LRRC4C: variants seen among roughly 807,000 people sequenced by gnomAD.
LRRC4C encodes leucine rich repeat containing 4C.
In LRRC4C, 5 loss-of-function variants were observed where a neutral mutation model predicts 33.6. That is an observed-to-expected ratio of 0.15 (90% CI 0.08 to 0.31). The LOEUF is 0.31. Ranked by LOEUF, LRRC4C falls within the 10% of genes least tolerant of loss-of-function variation. The probability of loss-of-function intolerance (pLI) is 1.00; values close to 1 mark genes in which losing one functional copy is unlikely to be tolerated. For synonymous variants in LRRC4C, 329 were observed against 302.0 expected (o/e 1.09, Z -0.93); for missense variants, 560 against 796.7 (o/e 0.70, Z 3.58).
intron 1 of LRRC4C, among the ~76,000 whole-genome samples, chr11:41,060,078 A>G (rs964408107): frequency 2.0e-5 from 3 of 152,176 alleles, no homozygotes; most frequent in African/African-American, 2.4e-5. Flanking sequence ...CATTTCAACA[A>G]GATCCTCAGT....
At chr11:41,255,136 T>G (rs781182794) in intron 1 of LRRC4C, among the ~76,000 whole-genome samples, 2 of 151,964 alleles carry the variant, frequency 1.3e-5, no homozygotes, top group Non-Finnish European at 2.9e-5. Context: ...GGCTTGGAAT[T>G]TTCCCCTGCC....
At chr11:40,212,284 A>G (rs1374181398) in intron 5 of LRRC4C, among the ~76,000 whole-genome samples, 2 of 152,106 alleles carry the variant, frequency 1.3e-5, no homozygotes, top group Non-Finnish European at 2.9e-5. Context: ...AATTTTCATG[A>G]TTTTACTAAG....
intron 1 of LRRC4C, among the ~76,000 whole-genome samples, chr11:41,353,708 T>A (rs889526670): frequency 3.3e-5 from 5 of 152,218 alleles, no homozygotes; most frequent in African/African-American, 1.2e-4. Flanking sequence ...GATGCACAGT[T>A]GGTTCAACAT....
intron 2 of LRRC4C, among the ~76,000 whole-genome samples, chr11:40,820,127 A>G (rs917229531): frequency 6.6e-6 from 1 of 152,088 alleles, no homozygotes; most frequent in African/African-American, 2.4e-5. Context: ...GAAACAGAAA[A>G]GTAACAGCCA....
At chr11:40,202,498 C>T (rs972353770) in intron 5 of LRRC4C, among the ~76,000 whole-genome samples, 5 of 152,048 alleles carry the variant, frequency 3.3e-5, no homozygotes, top group African/African-American at 1.2e-4. Context: ...GTCACATAAA[C>T]TTTCTGGGCC....
At chr11:41,232,193 A>T (rs1947833049) in intron 1 of LRRC4C, among the ~76,000 whole-genome samples, 1 of 152,022 alleles carries the variant, frequency 6.6e-6, no homozygotes, top group South Asian at 2.1e-4. Flanking sequence ...AGAAATAGTT[A>T]TTCTTGGTTC....
At chr11:41,267,261 A>G (rs1330294138) in intron 1 of LRRC4C, among the ~76,000 whole-genome samples, 1 of 152,076 alleles carries the variant, frequency 6.6e-6, no homozygotes, top group African/African-American at 2.4e-5. Flanking sequence ...CTGCTTCTAG[A>G]AGCTACCATA....
rs148607193 is a variant in LRRC4C, at chr11:40,363,300, G to A, written c.-269-43579C>T. ...AGGCCATTATCCTTAGCAAACTAAC[G>A]CAAGAACAAAAATCCAAATACTGCA... is the stretch of plus-strand genomic sequence containing the variant. On this transcript the variant is annotated intron_variant, in intron 3 of 6. Coordinates refer to ENST00000528697, the MANE Select transcript of LRRC4C (RefSeq NM_001258419.2). 5.4e-4 allele frequency among the ~76,000 whole-genome samples: 82 copies of A among 152,198 alleles called. 2 individuals carry two copies. The highest frequency in any genetic ancestry group is 1.9e-3 in the African/African-American group (78 of 41,526).
intron 3 of LRRC4C, among the ~76,000 whole-genome samples, chr11:40,415,126 T>C (rs1034726894): frequency 6.6e-6 from 1 of 152,126 alleles, no homozygotes; most frequent in Non-Finnish European, 1.5e-5. Flanking sequence ...ATCACTGACC[T>C]CGTGCCGTTT....
chr11:41,410,808 TCAC>T (rs1954446739), intron 1 of LRRC4C, among the ~76,000 whole-genome samples: 1 of 152,032 alleles, frequency 6.6e-6, no homozygotes. Flanking sequence ...TAGAATATCA[TCAC>T]ATTATCAACC....
At chr11:41,364,307 C>T (rs2958841) in intron 1 of LRRC4C, among the ~76,000 whole-genome samples, 63,850 of 151,918 alleles carry the variant, frequency 0.42, 14,200 homozygotes, top group Non-Finnish European at 0.49. Flanking sequence ...GAGATGGAGT[C>T]TTGATCTGCC....
At chr11:41,160,807 A>C (rs932253972) in intron 1 of LRRC4C, among the ~76,000 whole-genome samples, 4 of 152,188 alleles carry the variant, frequency 2.6e-5, no homozygotes, top group Admixed American at 6.6e-5. Context: ...TTGCTATGAA[A>C]ACCCAGAGAA....
At chr11:41,267,019 A>C (rs1384302200) in intron 1 of LRRC4C, among the ~76,000 whole-genome samples, 1 of 152,048 alleles carries the variant, frequency 6.6e-6, no homozygotes, top group African/African-American at 2.4e-5. Flanking sequence ...AGGCTAATCC[A>C]CTCATCATGG....
chr11:40,236,206 C>T (rs750613690), intron 5 of LRRC4C, among the ~76,000 whole-genome samples: 11 of 152,056 alleles, frequency 7.2e-5, no homozygotes, highest in Non-Finnish European at 1.0e-4. Flanking sequence ...ACAAAGCAAA[C>T]AGCATGAACA....
chr11:41,332,411 C>A (rs760540402), intron 1 of LRRC4C, among the ~76,000 whole-genome samples: 2 of 152,090 alleles, frequency 1.3e-5, no homozygotes, highest in Non-Finnish European at 2.9e-5. Context: ...CTGCAATGTG[C>A]AAGGTTTCCT....
intron 1 of LRRC4C, among the ~76,000 whole-genome samples, chr11:41,082,873 G>GAGA (rs1939684441): frequency 6.6e-6 from 1 of 152,018 alleles, no homozygotes; most frequent in African/African-American, 2.4e-5. Context: ...TCAAAAAATA[G>GAGA]CTAGGTTAGA....
At chr11:40,784,848 C>A (rs1950345892) in intron 2 of LRRC4C, among the ~76,000 whole-genome samples, 1 of 150,298 alleles carries the variant, frequency 6.7e-6, no homozygotes, top group African/African-American at 2.5e-5. Flanking sequence ...TTTTAGGATC[C>A]AATAAATTAG....
At chr11:40,460,472 A>G (rs1415665785) in intron 3 of LRRC4C, among the ~76,000 whole-genome samples, 1 of 152,164 alleles carries the variant, frequency 6.6e-6, no homozygotes, top group African/African-American at 2.4e-5. Flanking sequence ...GTACATACAA[A>G]ATATATCTGG....
intron 3 of LRRC4C, among the ~76,000 whole-genome samples, chr11:40,573,857 CT>C (rs1029208516): frequency 5.9e-5 from 9 of 151,510 alleles, no homozygotes; most frequent in East Asian, 5.8e-4. Flanking sequence ...CTACAGTCAT[CT>C]TTTTTTTTCC....
Sources: allele counts gnomAD v4.1 joint callset (sites outside exome capture counted in the v4.1 genomes callset), GRCh38; gene constraint gnomAD v4.1.1; transcripts MANE v1.5; gene names NCBI Gene and HGNC (gene_info 2026-07-23, HGNC 2026-07-21).